Variants in EPHA5 observed in about 807,000 individuals in gnomAD.
The protein encoded by EPHA5 is EPH receptor A5.
In EPHA5, 60 loss-of-function variants were observed where a neutral mutation model predicts 105.0. That is an observed-to-expected ratio of 0.57 (90% confidence interval 0.46 to 0.71). The LOEUF (loss-of-function observed/expected upper bound fraction) is 0.71. EPHA5 is among the 30% of genes least tolerant of loss of function. EPHA5 has a pLI of 0.00. For missense variants in EPHA5, 1,218 were observed against 1,274.7 expected (o/e 0.96, Z 0.68); for synonymous variants, 513 against 449.1 (o/e 1.14, Z -1.80).
chr4:65,620,343 C>A (rs1292614811), intron 2 of EPHA5, among the ~76,000 whole-genome samples: 3 of 151,880 alleles, frequency 2.0e-5, no homozygotes, highest in Admixed American at 1.3e-4. Flanking sequence ...TGACTTCTTG[C>A]GATGCACACT....
At chr4:65,444,440 T>C (rs1413946822) in intron 5 of EPHA5, among the ~76,000 whole-genome samples, 1 of 152,162 alleles carries the variant, frequency 6.6e-6, no homozygotes, top group Non-Finnish European at 1.5e-5. Context: ...AAATCAAAGA[T>C]CCATTTATTG....
chr4:65,582,382 A>T (rs1741711782), intron 3 of EPHA5, among the ~76,000 whole-genome samples: 1 of 151,504 alleles, frequency 6.6e-6, no homozygotes, highest in South Asian at 2.1e-4. Context: ...AAGCAAAGTC[A>T]GGTATTCTTT....
chr4:65,626,841 A>G (rs1232302469), intron 2 of EPHA5, among the ~76,000 whole-genome samples: 1 of 152,238 alleles, frequency 6.6e-6, no homozygotes, highest in Non-Finnish European at 1.5e-5. Context: ...TATAGTTAAA[A>G]TATCAGCTAA....
intron 2 of EPHA5, among the ~76,000 whole-genome samples, chr4:65,640,322 G>A (rs1307009761): frequency 1.7e-5 from 2 of 115,328 alleles, no homozygotes; most frequent in African/African-American, 6.8e-5. Context: ...GTCTCGCTCT[G>A]TCGCCCAGGC....
At chr4:65,419,388 G>GA (rs1251959075) in intron 6 of EPHA5, among the ~76,000 whole-genome samples, 48 of 151,982 alleles carry the variant, frequency 3.2e-4, no homozygotes, top group Admixed American at 3.1e-3. Flanking sequence ...TACTCTTCCA[G>GA]AAAAAACGAA....
intron 3 of EPHA5, among the ~76,000 whole-genome samples, chr4:65,566,129 A>G (rs1739507554): frequency 6.6e-6 from 1 of 151,724 alleles, no homozygotes; most frequent in South Asian, 2.1e-4. Flanking sequence ...GGTAATTAAG[A>G]GCTTTCTGCT....
chr4:65,367,061 C>A (rs1717978211), intron 9 of EPHA5, among the ~76,000 whole-genome samples: 1 of 151,182 alleles, frequency 6.6e-6, no homozygotes. Flanking sequence ...TTAGAATATT[C>A]CAGGAAATTT....
At chr4:65,384,118 G>T (rs1456968286) in intron 8 of EPHA5, among the ~76,000 whole-genome samples, 2 of 151,804 alleles carry the variant, frequency 1.3e-5, no homozygotes, top group Non-Finnish European at 2.9e-5. Context: ...GCTGTGGAAG[G>T]CCAAATAGTC....
At chr4:65,548,428 C>T (rs180975314) in intron 3 of EPHA5, among the ~76,000 whole-genome samples, 4 of 151,134 alleles carry the variant, frequency 2.6e-5, no homozygotes, top group Middle Eastern at 6.9e-3. Flanking sequence ...AGGTATGAGA[C>T]AAAGATAATG....
intron 8 of EPHA5, among the ~76,000 whole-genome samples, chr4:65,381,472 TAAAC>T (rs149029589): frequency 5.3e-5 from 8 of 151,810 alleles, no homozygotes; most frequent in Non-Finnish European, 1.0e-4. Context: ...CAAAAAAAAT[TAAAC>T]AAATCCAGTA....
chr4:65,604,981 G>T, intron 2 of EPHA5, among the ~76,000 whole-genome samples: 1 of 152,188 alleles, frequency 6.6e-6, no homozygotes, highest in Admixed American at 6.5e-5. Context: ...TGGAAGCATG[G>T]ATTGCTGAAT....
At chr4:65,451,262 A>G (rs1727038396) in intron 5 of EPHA5, among the ~76,000 whole-genome samples, 2 of 152,170 alleles carry the variant, frequency 1.3e-5, no homozygotes, top group South Asian at 4.1e-4. Context: ...GGCCGTAACC[A>G]TATTTGTTCT....
chr4:65,512,247 A>G (rs565538571), intron 3 of EPHA5, among the ~76,000 whole-genome samples: 21 of 152,310 alleles, frequency 1.4e-4, no homozygotes, highest in South Asian at 1.2e-3. Context: ...AGCTATTATT[A>G]AAAATATTTA....
At chr4:65,360,397 T>G (rs575679656) in intron 11 of EPHA5, among the ~76,000 whole-genome samples, 2 of 151,654 alleles carry the variant, frequency 1.3e-5, no homozygotes, top group African/African-American at 2.4e-5. Context: ...TGATGAAATA[T>G]GAGGTTGGTT....
chr4:65,364,938 C>T, intron 11 of EPHA5, 79 bp downstream of exon 11: 5 of 1,204,206 alleles, frequency 4.2e-6, no homozygotes, highest in East Asian at 2.5e-5. Context: ...ATCTTGGTTT[C>T]TCTTTACCCT....
intron 16 of EPHA5, chr4:65,331,381 T>A (rs1314358927): frequency 1.9e-6 from 2 of 1,042,364 alleles, no homozygotes; most frequent in East Asian, 1.1e-4. Flanking sequence ...ATCTTAAACG[T>A]GCAAACAGAA....
At chr4:65,646,765 T>G (rs1163212858) in intron 1 of EPHA5, among the ~76,000 whole-genome samples, 1 of 152,136 alleles carries the variant, frequency 6.6e-6, no homozygotes, top group Non-Finnish European at 1.5e-5. Flanking sequence ...GGCCTTCTTT[T>G]TGAACCAAAA....
chr4:65,320,773 A>G lies in EPHA5; in HGVS notation c.*3341T>C, dbSNP rs187112036. The stretch of plus-strand genomic sequence containing the variant: ...GTGTCTTCACTTTTTTACACTGGTC[A>G]AAACTCTTTTACAAACTGAATTAAG... On this transcript the variant is annotated 3_prime_UTR_variant, in exon 17 of 17. Coordinates refer to ENST00000613740, the MANE Select transcript of EPHA5 (RefSeq NM_001281766.3). 1.1e-3 allele frequency: 262 copies of G among 230,296 alleles called. No individual in the cohort carries two copies. Among genetic ancestry groups the G allele is most frequent in the Non-Finnish European group, 2.0e-3 (229 of 116,084 alleles). 14.3% of individuals were successfully genotyped at this position (230,296 alleles called of 1,614,324 possible).
chr4:65,432,347 T>G (rs1441550612), intron 5 of EPHA5, among the ~76,000 whole-genome samples: 1 of 152,142 alleles, frequency 6.6e-6, no homozygotes, highest in Non-Finnish European at 1.5e-5. Context: ...GATATAGAAG[T>G]GAAATAGGTA....
Sources: allele counts gnomAD v4.1 joint callset (sites outside exome capture counted in the v4.1 genomes callset), GRCh38; gene constraint gnomAD v4.1.1; transcripts MANE v1.5; gene names NCBI Gene and HGNC (gene_info 2026-07-23, HGNC 2026-07-21).